Variants in NLRC4 observed in about 807,000 individuals in gnomAD.
NLRC4 encodes NLR family CARD domain containing 4.
NLRC4 carries 63 observed loss-of-function variants against 79.9 expected under a neutral mutation model. The ratio of observed to expected loss-of-function variants is 0.79; its 90% CI spans 0.64 to 0.97. The LOEUF (loss-of-function observed/expected upper bound fraction) is 0.97. Ranked by LOEUF, NLRC4 falls within the 50% of genes least tolerant of loss-of-function variation. The probability of loss-of-function intolerance (pLI) is 0.00; values close to 1 mark genes in which losing one functional copy is unlikely to be tolerated. For missense variants in NLRC4, 1,074 were observed against 1,215.2 expected (o/e 0.88, Z 1.73); for synonymous variants, 461 against 456.5 (o/e 1.01, Z -0.12).
intron 1 of NLRC4, among the ~76,000 whole-genome samples, chr2:32,260,160 C>T (rs778374517): frequency 7.4e-5 from 9 of 121,846 alleles, no homozygotes; most frequent in East Asian, 2.7e-4. Context: ...ACCCAGGAAG[C>T]GGAGGTTGCA....
intron 8 of NLRC4, 81 bp downstream of exon 8, chr2:32,235,320 G>T: frequency 1.1e-6 from 1 of 949,802 alleles, no homozygotes; most frequent in Non-Finnish European, 1.7e-6. Context: ...AATAAAATAA[G>T]GGGGCAAAAT....
At chr2:32,238,101 T>C in intron 6 of NLRC4, 31 bp downstream of exon 6, 7 of 1,565,252 alleles carry the variant, frequency 4.5e-6, no homozygotes, top group Non-Finnish European at 6.1e-6. Flanking sequence ...TGTTATACTG[T>C]CCTCATTCAG....
intron 4 of NLRC4, among the ~76,000 whole-genome samples, chr2:32,244,861 G>A (rs1686892820): frequency 2.0e-5 from 3 of 150,758 alleles, no homozygotes; most frequent in Admixed American, 2.0e-4. Flanking sequence ...AGGGGGAGGG[G>A]GAAGGAGAGG....
Position 32,250,326 on chromosome 2 carries a change from T to C in NLRC4, c.1538A>G (p.Tyr513Cys), listed in dbSNP as rs775999159. ...RAVMKHLAAV[Y>C]QHGCLLGLSI... ...AAGTCCGAGAAGGCAGCCGTGTTGATACACTGCTGCGAGGTGCTTCATAAC... is the reference window on the plus strand; with the variant it reads ...AAGTCCGAGAAGGCAGCCGTGTTGACACACTGCTGCGAGGTGCTTCATAAC... The change falls in exon 4 of 9, where the codon TAT becomes TGT. Residue 513 changes from tyrosine to cysteine, a missense_variant. Transcript: ENST00000402280. The surrounding 1 kb of genome is among the most constrained non-coding windows in gnomAD (Gnocchi z 4.9). 6.2e-7 allele frequency: 1 copy of C among 1,614,174 alleles called. No individual in the cohort carries two copies. Among genetic ancestry groups the C allele is most frequent in the South Asian group, 1.1e-5 (1 of 91,092 alleles).
At chr2:32,237,896 T>C (rs1307598861) in intron 6 of NLRC4, among the ~76,000 whole-genome samples, 1 of 152,222 alleles carries the variant, frequency 6.6e-6, no homozygotes, top group African/African-American at 2.4e-5. Flanking sequence ...TTTCACTTTC[T>C]CTAAAAATTA....
intron 2 of NLRC4, 27 bp from the exon 3 acceptor site, chr2:32,252,706 A>G (rs1302171364): frequency 6.3e-7 from 1 of 1,595,496 alleles, no homozygotes. Context: ...AAATATACAT[A>G]TTTATTTACT....
chr2:32,253,664 A>G (rs376049443), intron 2 of NLRC4, among the ~76,000 whole-genome samples: 8 of 151,840 alleles, frequency 5.3e-5, no homozygotes, highest in African/African-American at 9.7e-5. Context: ...CTTTGAGTCT[A>G]TTTCAATTAC....
At chr2:32,243,365 G>A (rs1409387643) in intron 4 of NLRC4, among the ~76,000 whole-genome samples, 3 of 145,636 alleles carry the variant, frequency 2.1e-5, no homozygotes, top group Non-Finnish European at 3.0e-5. Flanking sequence ...AGCTGAGATC[G>A]CACCACTGCA....
intron 8 of NLRC4, among the ~76,000 whole-genome samples, chr2:32,231,578 G>GGGT: frequency 8.7e-6 from 1 of 115,034 alleles, no homozygotes; most frequent in African/African-American, 3.2e-5. Flanking sequence ...TTTTTGTGGG[G>GGGT]GGGGGGTGGG....
Position 32,250,764 on chromosome 2 carries a change from T to G in NLRC4, c.1100A>C (p.Tyr367Ser), listed in dbSNP as rs776363259. ...HTQTTLFHTF[Y>S]DLLIQKNKHK... ...TTTGTTTTTCTGTATCAACAGATCA[T>G]AGAAGGTATGGAACAGCGTTGTTTG... is the stretch of plus-strand genomic sequence containing the variant. The change falls in exon 4 of 9, where the codon TAT becomes TCT. Residue 367 changes from tyrosine (Y) to serine (S), a missense_variant. Coordinates refer to ENST00000402280, the MANE Select transcript of NLRC4 (RefSeq NM_001199138.2). The surrounding 1 kb of genome is among the most constrained non-coding windows in gnomAD (Gnocchi z 4.9). The G allele has an allele frequency of 6.2e-7, 1 of 1,614,214 alleles. No individual in the cohort carries two copies. The highest frequency in any genetic ancestry group is 1.1e-5 in the South Asian group (1 of 91,086).
chr2:32,260,222 AAAAAAAAAAAACAACG>A (rs1323056235), intron 1 of NLRC4, among the ~76,000 whole-genome samples: 6 of 151,152 alleles, frequency 4.0e-5, no homozygotes, highest in South Asian at 2.1e-4. Flanking sequence ...ACAAAAAAAA[AAAAAAAAAAAACAACG>A]AAAAAAAAAA....
intron 8 of NLRC4, among the ~76,000 whole-genome samples, chr2:32,225,809 C>T (rs1175971068): frequency 1.3e-5 from 2 of 152,160 alleles, no homozygotes; most frequent in Admixed American, 6.5e-5. Context: ...TTTATCAATC[C>T]ACATTACTCG....
intron 8 of NLRC4, among the ~76,000 whole-genome samples, chr2:32,232,321 T>G (rs981083734): frequency 6.6e-6 from 1 of 152,194 alleles, no homozygotes; most frequent in African/African-American, 2.4e-5. Context: ...TCGTTGAAAT[T>G]TGTCAGTATG....
rs1687057873 is a variant in NLRC4, at chr2:32,250,852, G to A, written c.1012C>T (p.Pro338Ser). 3.1e-6 allele frequency: 5 copies of A among 1,614,172 alleles called. No homozygotes were observed. The East Asian group carries it at 1.1e-4, about 36-fold the overall frequency. The change falls in exon 4 of 9, where the codon CCT becomes TCT. Residue 338 changes from proline to serine, a missense_variant. Transcript: ENST00000402280. The surrounding 1 kb of genome is among the most constrained non-coding windows in gnomAD (Gnocchi z 4.9). ...GCACAAGTGATGACCACAAAGAGAG[G>A]GGTCTTCATGAGATTCCTCAAGCAC... ...SRCLRNLMKT[P>S]LFVVITCAIQ...
Position 32,241,221 on chromosome 2 carries a change from T to G in NLRC4, c.2258-96A>C, listed in dbSNP as rs184330914. ...TCATTTTTGTTACCAATCAAAAGAT[T>G]TTAATGATCATCATGAGCCAAAAAT... On this transcript the variant is annotated intron_variant, in intron 4 of 8. Transcript: ENST00000402280. 29 of 779,532 alleles carry G rather than the reference T, an allele frequency of 3.7e-5. No individual in the cohort carries two copies. The African/African-American group carries it at 4.2e-4, about 11-fold the overall frequency. 48.3% of individuals were successfully genotyped at this position (779,532 alleles called of 1,614,324 possible).
chr2:32,228,410 G>A (rs972873355), intron 8 of NLRC4, among the ~76,000 whole-genome samples: 1 of 152,026 alleles, frequency 6.6e-6, no homozygotes, highest in African/African-American at 2.4e-5. Flanking sequence ...AAAATTCACC[G>A]CCTCCCTTAG....
intron 1 of NLRC4, among the ~76,000 whole-genome samples, chr2:32,257,857 G>A (rs981172912): frequency 2.0e-5 from 3 of 152,034 alleles, no homozygotes; most frequent in Admixed American, 1.3e-4. Context: ...CCAATCCCAC[G>A]GCAGTGTCTA....
intron 2 of NLRC4, among the ~76,000 whole-genome samples, chr2:32,253,268 G>T (rs567879266): frequency 6.6e-6 from 1 of 151,482 alleles, no homozygotes; most frequent in Non-Finnish European, 1.5e-5. Context: ...TCCTGCCTCC[G>T]CCTCCTGAGT....
At chr2:32,235,273 T>G in intron 8 of NLRC4, 128 bp downstream of exon 8, 1 of 680,774 alleles carries the variant, frequency 1.5e-6, no homozygotes, top group Non-Finnish European at 2.6e-6. Context: ...AATGAATTCA[T>G]TAGACATATT....
Sources: gnomAD v4.1 joint callset for allele counts (sites outside exome capture counted in the v4.1 genomes callset) on GRCh38, gnomAD v4.1.1 for gene constraint, Gnocchi (gnomAD v3.1) non-coding constraint, MANE v1.5 for transcripts, NCBI Gene and HGNC (gene_info 2026-07-23, HGNC 2026-07-21) for gene names.